The following PTPN3 variants were observed in gnomAD, a reference collection of about 807,000 sequenced individuals.
PTPN3 encodes protein tyrosine phosphatase non-receptor type 3, also known as tyrosine-protein phosphatase non-receptor type 3.
A neutral mutation model predicts 132.7 loss-of-function variants in PTPN3; 96 were observed. The observed-to-expected ratio is 0.72, with a 90% CI of 0.61 to 0.86. The LOEUF (loss-of-function observed/expected upper bound fraction) is 0.86. PTPN3 is among the 40% of genes least tolerant of loss of function. The pLI, the probability that PTPN3 is intolerant of heterozygous loss-of-function variation, is 0.00. For synonymous variants in PTPN3, 398 were observed against 429.0 expected (o/e 0.93, Z 0.89); for missense variants, 1,125 against 1,159.6 (o/e 0.97, Z 0.43).
the PTPN3 span, chr9:109,533,559 C>T: frequency 1.3e-6 from 2 of 1,597,636 alleles, no homozygotes; most frequent in Non-Finnish European, 1.7e-6. Context: ...TCATTGCCGT[C>T]CTCTCTAGGC....
intron 5 of PTPN3, chr9:109,450,347 T>C: frequency 1.0e-6 from 1 of 985,278 alleles, no homozygotes; most frequent in Non-Finnish European, 1.2e-6. Context: ...CAGAATTAAG[T>C]GTTCTCTCCT....
At chr9:109,444,255 C>A (rs953405044) in intron 7 of PTPN3, among the ~76,000 whole-genome samples, 1 of 152,156 alleles carries the variant, frequency 6.6e-6, no homozygotes, top group African/African-American at 2.4e-5. Flanking sequence ...GTACTGCCAC[C>A]ACAAAGCTAG....
intron 1 of PTPN3, among the ~76,000 whole-genome samples, chr9:109,465,729 A>AAG (rs398011827): frequency 6.6e-6 from 1 of 150,692 alleles, no homozygotes; most frequent in Non-Finnish European, 1.5e-5. Flanking sequence ...AAAAAAAAAA[A>AAG]GAATATGTGA....
intron 14 of PTPN3, among the ~76,000 whole-genome samples, chr9:109,412,352 C>T (rs546698433): frequency 7.2e-4 from 110 of 152,002 alleles, no homozygotes; most frequent in African/African-American, 2.5e-3. Flanking sequence ...GGACCACAGG[C>T]ATTCGCCATG....
the PTPN3 span, among the ~76,000 whole-genome samples, chr9:109,528,560 AT>A: frequency 6.6e-6 from 1 of 152,212 alleles, no homozygotes; most frequent in Non-Finnish European, 1.5e-5. Flanking sequence ...AATAGTGTTT[AT>A]CTTTGGCAGT....
Position 109,433,098 on chromosome 9 carries a change from A to G in PTPN3, c.739T>C (p.Tyr247His), listed in dbSNP as rs145005611. 1.7e-5 allele frequency: 27 copies of G among 1,614,018 alleles called. No homozygotes were observed. In the African/African-American group the frequency reaches 2.4e-4, roughly 14 times the overall value. ...CAAGGATAGAAACTTGTGCAAATGT[A>G]TTTTCGGTACACAGCAACACCCGCG... ...ASAGVAVYRK[Y>H]ICTSFYPWVN... The change falls in exon 10 of 26, where the codon TAC becomes CAC. Residue 247 changes from tyrosine to histidine, a missense_variant. Physicochemically the swap from Tyr to His is moderately conservative, Grantham distance 83. Coordinates refer to ENST00000374541, the MANE Select transcript of PTPN3 (RefSeq NM_002829.4).
the PTPN3 span, among the ~76,000 whole-genome samples, chr9:109,505,739 C>G: frequency 6.6e-6 from 1 of 151,736 alleles, no homozygotes; most frequent in African/African-American, 2.4e-5. Flanking sequence ...AACTGAGGAT[C>G]AGAACATCAA....
At chr9:109,494,247 G>A (rs1847583895) in intron 1 of PTPN3, among the ~76,000 whole-genome samples, 1 of 152,182 alleles carries the variant, frequency 6.6e-6, no homozygotes, top group Admixed American at 6.5e-5. Flanking sequence ...AAGGCAGGAG[G>A]ACTGTTTGAG....
the PTPN3 span, among the ~76,000 whole-genome samples, chr9:109,506,338 C>T: frequency 6.6e-6 from 1 of 152,330 alleles, no homozygotes; most frequent in South Asian, 2.1e-4. Flanking sequence ...ACACACAAAA[C>T]TGAAACTGGA....
At chr9:109,455,249 A>T (rs1256020958) in intron 4 of PTPN3, among the ~76,000 whole-genome samples, 1 of 152,202 alleles carries the variant, frequency 6.6e-6, no homozygotes, top group Non-Finnish European at 1.5e-5. Context: ...CAACATCTAG[A>T]GTCAATTTGC....
At chr9:109,404,956 C>T (rs1340800218) in intron 18 of PTPN3, among the ~76,000 whole-genome samples, 3 of 152,206 alleles carry the variant, frequency 2.0e-5, no homozygotes, top group Non-Finnish European at 4.4e-5. Flanking sequence ...TCTACCCATC[C>T]CGACTCCCCT....
At chr9:109,391,881 G>C (rs1782657934) in intron 19 of PTPN3, among the ~76,000 whole-genome samples, 1 of 99,816 alleles carries the variant, frequency 1.0e-5, no homozygotes, top group Non-Finnish European at 1.9e-5. Flanking sequence ...GGGGGGGGGG[G>C]GGAAGAATTC....
intron 7 of PTPN3, among the ~76,000 whole-genome samples, chr9:109,443,863 T>C (rs879100768): frequency 6.6e-6 from 1 of 152,202 alleles, no homozygotes; most frequent in Admixed American, 6.5e-5. Context: ...GGTACTCGTC[T>C]TACTCGTGAA....
At chr9:109,449,223 A>C (rs968560693) in intron 5 of PTPN3, 31 of 1,048,018 alleles carry the variant, frequency 3.0e-5, no homozygotes, top group Non-Finnish European at 3.4e-5. Context: ...GGGGCTCTGC[A>C]CAAGCGGCGC....
At chr9:109,447,269 C>A (rs1019469809) in intron 6 of PTPN3, among the ~76,000 whole-genome samples, 1 of 152,036 alleles carries the variant, frequency 6.6e-6, no homozygotes, top group Non-Finnish European at 1.5e-5. Flanking sequence ...CAGCGTAGTT[C>A]GGTGCCTGTC....
intron 2 of PTPN3, among the ~76,000 whole-genome samples, chr9:109,461,759 GAA>G (rs5899847): frequency 1.0e-3 from 153 of 146,308 alleles, no homozygotes; most frequent in Middle Eastern, 7.0e-3. Flanking sequence ...CTTGTTTCAG[GAA>G]AAAAAAAAAA....
At chr9:109,424,143 C>G (rs1843079489) in intron 12 of PTPN3, among the ~76,000 whole-genome samples, 1 of 152,036 alleles carries the variant, frequency 6.6e-6, no homozygotes, top group African/African-American at 2.4e-5. Context: ...TTAATAGGGA[C>G]TCTCTGAAAA....
intron 1 of PTPN3, among the ~76,000 whole-genome samples, chr9:109,496,606 A>AT (rs1275521608): frequency 6.6e-6 from 1 of 152,268 alleles, no homozygotes; most frequent in Non-Finnish European, 1.5e-5. Context: ...TGTAAGTTCT[A>AT]TAAGGCTATG....
intron 1 of PTPN3, among the ~76,000 whole-genome samples, chr9:109,474,607 C>T (rs1306922811): frequency 6.6e-6 from 1 of 152,062 alleles, no homozygotes; most frequent in Non-Finnish European, 1.5e-5. Flanking sequence ...ACTGCAAAAC[C>T]CATGTGCAAA....
Sources: allele counts gnomAD v4.1 joint callset (sites outside exome capture counted in the v4.1 genomes callset), GRCh38; gene constraint gnomAD v4.1.1; transcripts MANE v1.5; gene names NCBI Gene and HGNC (gene_info 2026-07-23, HGNC 2026-07-21).